MARCHF1: variants seen among roughly 807,000 people sequenced by gnomAD.
MARCHF1 encodes E3 ubiquitin-protein ligase MARCHF1.
Under a neutral mutation model 54.2 loss-of-function variants are expected in MARCHF1, and 40 were observed. That is an observed-to-expected ratio of 0.74 (90% CI 0.57 to 0.96). The LOEUF (loss-of-function observed/expected upper bound fraction) is 0.96. Ranked by LOEUF, MARCHF1 falls within the 40% of genes least tolerant of loss-of-function variation. The pLI, the probability that MARCHF1 is intolerant of heterozygous loss-of-function variation, is 0.00. For synonymous variants in MARCHF1, 236 were observed against 236.3 expected (o/e 1.00, Z 0.01); for missense variants, 586 against 656.5 (o/e 0.89, Z 1.17).
chr4:163,970,515 G>T (rs1047533097), intron 3 of MARCHF1, among the ~76,000 whole-genome samples: 1 of 152,208 alleles, frequency 6.6e-6, no homozygotes, highest in Non-Finnish European at 1.5e-5. Context: ...ATGGATGGAT[G>T]AACAAACCTT....
At chr4:164,214,653 T>C (rs1221547528) in intron 1 of MARCHF1, among the ~76,000 whole-genome samples, 2 of 152,198 alleles carry the variant, frequency 1.3e-5, no homozygotes, top group African/African-American at 2.4e-5. Flanking sequence ...AGCTCACAAA[T>C]TGGTGGATTT....
intron 5 of MARCHF1, among the ~76,000 whole-genome samples, chr4:163,691,169 ATTG>A (rs1744437604): frequency 6.6e-6 from 1 of 152,162 alleles, no homozygotes; most frequent in Non-Finnish European, 1.5e-5. Flanking sequence ...AGGCTATCGA[ATTG>A]TTGTATCAGG....
chr4:163,891,852 A>C (rs1750668073), intron 3 of MARCHF1, among the ~76,000 whole-genome samples: 1 of 152,206 alleles, frequency 6.6e-6, no homozygotes, highest in East Asian at 1.9e-4. Context: ...AGAGGCAATT[A>C]ATAACATATG....
intron 3 of MARCHF1, among the ~76,000 whole-genome samples, chr4:163,863,755 A>C (rs1459115267): frequency 6.6e-6 from 1 of 152,042 alleles, no homozygotes; most frequent in Non-Finnish European, 1.5e-5. Context: ...CTGCTTTAAA[A>C]AATGGCTGAT....
intron 3 of MARCHF1, among the ~76,000 whole-genome samples, chr4:163,986,517 G>A (rs1238657990): frequency 6.6e-6 from 1 of 151,548 alleles, no homozygotes; most frequent in Non-Finnish European, 1.5e-5. Flanking sequence ...CGCCCGCCTC[G>A]GCCTCCCAAA....
At chr4:164,348,727 A>G (rs543369590) in intron 1 of MARCHF1, among the ~76,000 whole-genome samples, 4 of 152,294 alleles carry the variant, frequency 2.6e-5, no homozygotes, top group African/African-American at 9.6e-5. Flanking sequence ...AACAGGAGAC[A>G]CTATTCTCGC....
In MARCHF1 at chr4:163,930,157, T is replaced by C. The variant is rs937521176; in HGVS notation, c.-39+58344A>G. On this transcript the variant is annotated intron_variant, in intron 3 of 9. Transcript: ENST00000514618. ...TTTAACATGGGGTATTTTTAAGGTA[T>C]ACAGAAATGGAAAAGCAATCAGGGA... 7.3e-5 allele frequency among the ~76,000 whole-genome samples: 11 copies of C among 150,832 alleles called. No individual in the cohort carries two copies. In the East Asian group the frequency reaches 9.7e-4, roughly 13 times the overall value.
chr4:164,200,389 T>C (rs1731420632), intron 1 of MARCHF1, among the ~76,000 whole-genome samples: 1 of 152,230 alleles, frequency 6.6e-6, no homozygotes, highest in Non-Finnish European at 1.5e-5. Flanking sequence ...TCTAATATAT[T>C]GTGCTCTGAG....
chr4:163,949,967 C>A (rs949848425), intron 3 of MARCHF1, among the ~76,000 whole-genome samples: 1 of 152,206 alleles, frequency 6.6e-6, no homozygotes, highest in South Asian at 2.1e-4. Context: ...CTGCTGGAGT[C>A]TGGCTGAGTC....
intron 1 of MARCHF1, among the ~76,000 whole-genome samples, chr4:164,378,688 A>T (rs1731271047): frequency 6.6e-6 from 1 of 152,162 alleles, no homozygotes; most frequent in Non-Finnish European, 1.5e-5. Context: ...TTGGGGATGT[A>T]TAGATCATCT....
At chr4:164,189,707 C>T (rs1193516056) in intron 1 of MARCHF1, 6 of 1,028,626 alleles carry the variant, frequency 5.8e-6, no homozygotes, top group Non-Finnish European at 9.3e-6. Context: ...GTGGTACCTA[C>T]CAAGAAGTCC....
At chr4:163,608,559 A>G (rs1320130011) in intron 7 of MARCHF1, among the ~76,000 whole-genome samples, 1 of 152,112 alleles carries the variant, frequency 6.6e-6, no homozygotes, top group African/African-American at 2.4e-5. Context: ...TTTTAATTAA[A>G]TGCAATTCCT....
intron 4 of MARCHF1, among the ~76,000 whole-genome samples, chr4:163,713,054 C>A (rs1400242038): frequency 6.6e-6 from 1 of 151,988 alleles, no homozygotes; most frequent in Non-Finnish European, 1.5e-5. Context: ...TCATCATTTT[C>A]TGTCTCTCTT....
intron 4 of MARCHF1, among the ~76,000 whole-genome samples, chr4:163,725,769 A>T (rs1404017913): frequency 6.6e-6 from 1 of 152,154 alleles, no homozygotes; most frequent in Admixed American, 6.5e-5. Context: ...AAACTTATTC[A>T]AGCTTTCCAT....
At chr4:164,292,729 A>T (rs1734314443) in intron 1 of MARCHF1, among the ~76,000 whole-genome samples, 2 of 152,234 alleles carry the variant, frequency 1.3e-5, no homozygotes, top group Admixed American at 1.3e-4. Context: ...AAATAAGTGC[A>T]TCTTACAATC....
chr4:164,123,744 A>G (rs1001824100), intron 1 of MARCHF1, among the ~76,000 whole-genome samples: 1 of 152,210 alleles, frequency 6.6e-6, no homozygotes, highest in African/African-American at 2.4e-5. Flanking sequence ...CTGGATATTC[A>G]TATGCAGAAG....
intron 1 of MARCHF1, among the ~76,000 whole-genome samples, chr4:164,146,619 T>C (rs932289063): frequency 4.0e-5 from 6 of 151,888 alleles, no homozygotes; most frequent in African/African-American, 1.4e-4. Flanking sequence ...TGGCTAGCCA[T>C]ATGTAGAAAG....
chr4:164,124,459 G>T (rs1756137621), intron 1 of MARCHF1, among the ~76,000 whole-genome samples: 1 of 152,132 alleles, frequency 6.6e-6, no homozygotes, highest in Non-Finnish European at 1.5e-5. Flanking sequence ...ATCAGCATGT[G>T]GAAGAGATAT....
chr4:163,689,993 T>C (rs1472930918), intron 5 of MARCHF1, among the ~76,000 whole-genome samples: 1 of 152,184 alleles, frequency 6.6e-6, no homozygotes, highest in Middle Eastern at 3.2e-3. Context: ...ACCCAGTATG[T>C]GGTTGGCATG....
Sources: allele counts gnomAD v4.1 joint callset (sites outside exome capture counted in the v4.1 genomes callset), GRCh38; gene constraint gnomAD v4.1.1; transcripts MANE v1.5; gene names NCBI Gene and HGNC (gene_info 2026-07-23, HGNC 2026-07-21).